Variants in ANO10 observed in about 807,000 individuals in gnomAD.
ANO10 encodes the protein anoctamin-10.
ANO10 carries 77 observed loss-of-function variants against 74.7 expected under a neutral mutation model. The ratio of observed to expected loss-of-function variants is 1.03; its 90% CI spans 0.86 to 1.25. The LOEUF is 1.25. ANO10 is among the 50% of genes most tolerant of loss of function. The pLI, the probability that ANO10 is intolerant of heterozygous loss-of-function variation, is 0.00. For missense variants in ANO10, 721 were observed against 778.1 expected (o/e 0.93, Z 0.87); for synonymous variants, 279 against 284.9 (o/e 0.98, Z 0.21).
chr3:43,577,669 T>C (rs971399441), intron 5 of ANO10, among the ~76,000 whole-genome samples: 2 of 152,234 alleles, frequency 1.3e-5, no homozygotes, highest in African/African-American at 4.8e-5. Flanking sequence ...CACTTAGTGT[T>C]ATAAATGTTC....
intron 12 of ANO10, among the ~76,000 whole-genome samples, chr3:43,370,761 CACTG>C (rs1028755685): frequency 2.6e-4 from 40 of 152,328 alleles, no homozygotes; most frequent in East Asian, 1.3e-3. Context: ...CTTTAAAAAG[CACTG>C]ACTAATTTTT....
intron 1 of ANO10, among the ~76,000 whole-genome samples, chr3:43,656,871 C>T (rs1455343996): frequency 3.9e-5 from 6 of 152,224 alleles, no homozygotes; most frequent in Non-Finnish European, 7.3e-5. Context: ...GAAAGGGGCT[C>T]CCACAGTGCA....
chr3:43,413,525 T>C (rs911118180), intron 12 of ANO10, among the ~76,000 whole-genome samples: 10 of 151,796 alleles, frequency 6.6e-5, no homozygotes, highest in African/African-American at 2.4e-4. Flanking sequence ...CTGCTTCACC[T>C]TCACCCAAGA....
intron 12 of ANO10, among the ~76,000 whole-genome samples, chr3:43,402,078 C>T (rs1001291700): frequency 1.3e-5 from 2 of 152,222 alleles, no homozygotes; most frequent in Non-Finnish European, 2.9e-5. Context: ...TGACAAACCT[C>T]GGTGACAACA....
At position 43,366,941 on chromosome 3, in the gene ANO10, C is replaced by T; in HGVS notation, c.1948G>A (p.Glu650Lys). The T allele has an allele frequency of 6.2e-7, 1 of 1,601,454 alleles. No homozygotes were observed. The highest frequency in any genetic ancestry group is 1.1e-5 in the South Asian group (1 of 88,538). ...TTCTCCTTCCCGCTTTCCATTGGTT[C>T]CTCCTTCAGGTTCTCGGTCACGAGC... ...MKLVTENLKE[E>K]PMESGKEKAT is the part of the protein sequence containing the mutation. The change falls in exon 13 of 13, where the codon GAA becomes AAA. Residue 650 changes from glutamate to lysine, a missense_variant. Transcript: ENST00000292246.
chr3:43,540,890 A>G (rs573859439), intron 11 of ANO10, among the ~76,000 whole-genome samples: 7 of 152,256 alleles, frequency 4.6e-5, no homozygotes, highest in Non-Finnish European at 1.0e-4. Flanking sequence ...ATATTTTAGC[A>G]CATAATAAAT....
At chr3:43,422,540 C>G (rs2092835369) in intron 12 of ANO10, among the ~76,000 whole-genome samples, 1 of 152,216 alleles carries the variant, frequency 6.6e-6, no homozygotes, top group Non-Finnish European at 1.5e-5. Flanking sequence ...CCCAAGCACA[C>G]AGCCATCACT....
chr3:43,388,068 T>C (rs1242841311), intron 12 of ANO10, among the ~76,000 whole-genome samples: 1 of 152,172 alleles, frequency 6.6e-6, no homozygotes, highest in African/African-American at 2.4e-5. Flanking sequence ...AGTAAATTAC[T>C]TTTTCACAAA....
At chr3:43,663,569 G>A (rs975742326) in intron 1 of ANO10, among the ~76,000 whole-genome samples, 1 of 152,154 alleles carries the variant, frequency 6.6e-6, no homozygotes, top group African/African-American at 2.4e-5. Context: ...AGCAATAAAG[G>A]TTTTCAAATA....
intron 11 of ANO10, among the ~76,000 whole-genome samples, chr3:43,476,283 G>GC (rs1327747740): frequency 2.0e-5 from 3 of 152,104 alleles, no homozygotes; most frequent in Admixed American, 6.6e-5. Flanking sequence ...CCTGAAGGTT[G>GC]CCCCCAAGTT....
chr3:43,635,927 A>G (rs770029935), intron 1 of ANO10, among the ~76,000 whole-genome samples: 5 of 151,916 alleles, frequency 3.3e-5, no homozygotes, highest in Admixed American at 6.6e-5. Flanking sequence ...CCCAGCTCTG[A>G]TATCTTCTCT....
rs538224235 is a variant in ANO10, at chr3:43,415,545, C to CTTTTTT, written c.1914+17060_1914+17065dup. On this transcript the variant is annotated intron_variant, in intron 12 of 12. Transcript: ENST00000292246. ...GTTCTTATTTTTTCTTTCTTTCTTT[C>CTTTTTT]TTTTTTTTTTGAGATGTAGTCTTGC... Among the ~76,000 whole-genome samples, 9 of 147,342 alleles carry CTTTTTT rather than the reference C, an allele frequency of 6.1e-5. No homozygotes were observed. In the East Asian group the frequency reaches 7.9e-4, roughly 13 times the overall value.
chr3:43,643,625 T>C (rs1331976956), intron 1 of ANO10, among the ~76,000 whole-genome samples: 1 of 151,754 alleles, frequency 6.6e-6, no homozygotes, highest in Non-Finnish European at 1.5e-5. Flanking sequence ...CATATTTTTA[T>C]GCAATTTTGG....
chr3:43,423,076 C>T (rs551329483), intron 12 of ANO10, among the ~76,000 whole-genome samples: 194 of 150,900 alleles, frequency 1.3e-3, no homozygotes, highest in African/African-American at 4.6e-3. Flanking sequence ...TCTTGGGGAG[C>T]TACTCTTGTT....
At chr3:43,685,399 G>A (rs552748656) in intron 1 of ANO10, among the ~76,000 whole-genome samples, 6 of 152,064 alleles carry the variant, frequency 3.9e-5, no homozygotes, top group African/African-American at 4.8e-5. Flanking sequence ...CTTAATTGCT[G>A]CCATAGTATT....
intron 1 of ANO10, among the ~76,000 whole-genome samples, chr3:43,619,519 C>A (rs1559790468): frequency 6.6e-6 from 1 of 152,016 alleles, no homozygotes; most frequent in Non-Finnish European, 1.5e-5. Flanking sequence ...TTTTGTAAAT[C>A]TAAAATTATT....
chr3:43,487,849 C>A (rs972355600), intron 11 of ANO10, among the ~76,000 whole-genome samples: 2 of 151,836 alleles, frequency 1.3e-5, no homozygotes, highest in Non-Finnish European at 2.9e-5. Context: ...AAAAAAGAGC[C>A]CGCATCGCCA....
At chr3:43,431,849 G>A (rs544307187) in intron 12 of ANO10, among the ~76,000 whole-genome samples, 3 of 152,092 alleles carry the variant, frequency 2.0e-5, no homozygotes, top group South Asian at 2.1e-4. Context: ...TCCTCTTCAC[G>A]TTCTTTTTTT....
intron 1 of ANO10, among the ~76,000 whole-genome samples, chr3:43,639,470 TACAG>T (rs1390685343): frequency 6.6e-6 from 1 of 152,090 alleles, no homozygotes; most frequent in African/African-American, 2.4e-5. Context: ...GTGATGAAAA[TACAG>T]ACAATTCTGG....
Sources: gnomAD v4.1 joint callset for allele counts (sites outside exome capture counted in the v4.1 genomes callset) on GRCh38, gnomAD v4.1.1 for gene constraint, MANE v1.5 for transcripts, NCBI Gene and HGNC (gene_info 2026-07-23, HGNC 2026-07-21) for gene names.